The following TSHZ2 variants were observed in gnomAD, a reference collection of about 807,000 sequenced individuals.
TSHZ2 encodes the protein teashirt homolog 2.
TSHZ2 carries 21 observed loss-of-function variants against 74.4 expected under a neutral mutation model. The observed-to-expected ratio is 0.28, with a 90% confidence interval of 0.20 to 0.41. The LOEUF is 0.41. Among genes scored for constraint, TSHZ2 ranks in the 10% least tolerant of loss-of-function variants. The probability of loss-of-function intolerance (pLI) is 1.00; values close to 1 mark genes in which losing one functional copy is unlikely to be tolerated. For missense variants in TSHZ2, 1,244 were observed against 1,293.5 expected, an observed-to-expected ratio of 0.96 and a Z score of 0.59; for synonymous variants, 540 against 515.3, an observed-to-expected ratio of 1.05 and a Z score of -0.65.
chr20:53,445,091 A>G (rs1425013189), intron 2 of TSHZ2, among the ~76,000 whole-genome samples: 1 of 152,246 alleles, frequency 6.6e-6, no homozygotes, highest in Non-Finnish European at 1.5e-5. Context: ...TATTAAAAAA[A>G]TAAAGGCAGG....
intron 1 of TSHZ2, among the ~76,000 whole-genome samples, chr20:53,062,129 A>T (rs1221671329): frequency 6.6e-6 from 1 of 152,216 alleles, no homozygotes; most frequent in African/African-American, 2.4e-5. Context: ...TTCAACTCTT[A>T]AAAGCTGTTT....
At chr20:53,105,623 G>C (rs975616018) in intron 1 of TSHZ2, among the ~76,000 whole-genome samples, 2 of 151,684 alleles carry the variant, frequency 1.3e-5, no homozygotes, top group African/African-American at 4.8e-5. Context: ...CTTTTTTTAA[G>C]TTATATTTTA....
In TSHZ2 at chr20:53,491,061, T is replaced by TA; in HGVS notation, c.*3926_*3927insA. 1 of 64,596 alleles carries TA rather than the reference T, an allele frequency of 1.5e-5. No homozygotes were observed. Among genetic ancestry groups the TA allele is most frequent in the Non-Finnish European group, 2.6e-5 (1 of 38,576 alleles). 4.0% of individuals were successfully genotyped at this position (64,596 alleles called of 1,614,324 possible). A position where few individuals can be genotyped will look rare whatever the true frequency, so the allele number is the denominator to read the frequency against. On this transcript the variant is annotated 3_prime_UTR_variant, in exon 3 of 3. Transcript: ENST00000371497. Reference sequence around the variant, plus strand: ...TTTTTAAGCTTGTTAAATGCTTTTGTTTAAAAAAAAAAAAAAAACCCCAAA... The same window carrying TA: ...TTTTTAAGCTTGTTAAATGCTTTTGTATTAAAAAAAAAAAAAAAACCCCAAA...
At chr20:53,032,493 A>G (rs1443633702) in intron 1 of TSHZ2, among the ~76,000 whole-genome samples, 8 of 152,216 alleles carry the variant, frequency 5.3e-5, no homozygotes, top group African/African-American at 7.2e-5. Flanking sequence ...GGGAAGAACC[A>G]CTTGGTAATA....
intron 1 of TSHZ2, among the ~76,000 whole-genome samples, chr20:53,229,688 CTCTT>C (rs1417516186): frequency 6.6e-6 from 1 of 151,976 alleles, no homozygotes; most frequent in Middle Eastern, 3.4e-3. Flanking sequence ...GAGCAGCACT[CTCTT>C]CTCTGCCTTT....
intron 2 of TSHZ2, among the ~76,000 whole-genome samples, chr20:53,347,022 C>G (rs1980464966): frequency 6.6e-6 from 1 of 152,174 alleles, no homozygotes; most frequent in Non-Finnish European, 1.5e-5. Flanking sequence ...CCTGAAGATA[C>G]AGGGGTCAAA....
At chr20:53,369,959 GTTA>G (rs1981408454) in intron 2 of TSHZ2, among the ~76,000 whole-genome samples, 1 of 152,172 alleles carries the variant, frequency 6.6e-6, no homozygotes, top group Admixed American at 6.5e-5. Flanking sequence ...GTGTTGGAAA[GTTA>G]TTGTGTCGAT....
At chr20:53,353,840 G>A (rs944621010) in intron 2 of TSHZ2, among the ~76,000 whole-genome samples, 7 of 152,194 alleles carry the variant, frequency 4.6e-5, no homozygotes, top group Admixed American at 2.0e-4. Context: ...TGGACATTAA[G>A]CATCAGTAGT....
At chr20:53,310,601 A>T (rs1055319118) in intron 2 of TSHZ2, among the ~76,000 whole-genome samples, 16 of 152,118 alleles carry the variant, frequency 1.1e-4, no homozygotes, top group Non-Finnish European at 2.1e-4. Context: ...CCAAGCTCTC[A>T]CACATCGATG....
chr20:53,427,593 T>C (rs546361172), intron 2 of TSHZ2, among the ~76,000 whole-genome samples: 153 of 152,296 alleles, frequency 1.0e-3, no homozygotes, highest in African/African-American at 3.5e-3. Flanking sequence ...GATGTGAAGC[T>C]AAGAGGCTCA....
At chr20:53,124,603 A>G (rs1348511934) in intron 1 of TSHZ2, among the ~76,000 whole-genome samples, 1 of 152,256 alleles carries the variant, frequency 6.6e-6, no homozygotes. Flanking sequence ...ATGAAGCCCT[A>G]GTTATAGACT....
chr20:53,301,881 A>C (rs1978332217), intron 2 of TSHZ2, among the ~76,000 whole-genome samples: 1 of 152,198 alleles, frequency 6.6e-6, no homozygotes, highest in East Asian at 1.9e-4. Context: ...AGCCAACATG[A>C]ATACATCTCG....
chr20:53,442,259 T>C (rs754509250), intron 2 of TSHZ2, among the ~76,000 whole-genome samples: 29 of 152,292 alleles, frequency 1.9e-4, no homozygotes, highest in Non-Finnish European at 3.8e-4. Flanking sequence ...GCCACTAATC[T>C]CCTTCCATGC....
chr20:53,108,243 C>A (rs555708042), intron 1 of TSHZ2, among the ~76,000 whole-genome samples: 1 of 152,336 alleles, frequency 6.6e-6, no homozygotes, highest in East Asian at 1.9e-4. Flanking sequence ...TACACATACA[C>A]AGAGCCAGAG....
At chr20:53,274,354 C>T (rs1321389123) in intron 2 of TSHZ2, among the ~76,000 whole-genome samples, 1 of 152,210 alleles carries the variant, frequency 6.6e-6, no homozygotes, top group East Asian at 1.9e-4. Context: ...CCGCTGTGCT[C>T]GCCTTCCTAT....
At chr20:53,184,250 G>T (rs1177212880) in intron 1 of TSHZ2, among the ~76,000 whole-genome samples, 1 of 152,008 alleles carries the variant, frequency 6.6e-6, no homozygotes, top group Non-Finnish European at 1.5e-5. Context: ...AATGATTTTT[G>T]GATTTGATTC....
At chr20:53,006,630 C>G (rs1437781137) in intron 1 of TSHZ2, among the ~76,000 whole-genome samples, 3 of 152,196 alleles carry the variant, frequency 2.0e-5, no homozygotes. Flanking sequence ...ATTCACAAAC[C>G]TACATTTCAA....
At chr20:53,271,707 C>T (rs549282725) in intron 2 of TSHZ2, among the ~76,000 whole-genome samples, 5 of 152,080 alleles carry the variant, frequency 3.3e-5, no homozygotes, top group Non-Finnish European at 7.4e-5. Context: ...AAAAGTGTTG[C>T]GGAAAGAAGG....
intron 2 of TSHZ2, among the ~76,000 whole-genome samples, chr20:53,258,332 T>C (rs1308110226): frequency 6.6e-6 from 1 of 152,020 alleles, no homozygotes; most frequent in Non-Finnish European, 1.5e-5. Flanking sequence ...AAATCTTAAA[T>C]AACTTGCCAT....
Sources: allele counts gnomAD v4.1 joint callset (sites outside exome capture counted in the v4.1 genomes callset), GRCh38; gene constraint gnomAD v4.1.1; transcripts MANE v1.5; gene names NCBI Gene and HGNC (gene_info 2026-07-23, HGNC 2026-07-21).